Variants in TMEM132D observed in about 807,000 individuals in gnomAD.
The protein encoded by TMEM132D is transmembrane protein 132D, also known as mature OL transmembrane protein.
TMEM132D carries 21 observed loss-of-function variants against 62.3 expected under a neutral mutation model. The observed-to-expected ratio is 0.34, with a 90% CI of 0.24 to 0.49. TMEM132D has a LOEUF of 0.49. Ranked by LOEUF, TMEM132D falls within the 20% of genes least tolerant of loss-of-function variation. TMEM132D has a pLI of 0.99. For synonymous variants in TMEM132D, 621 were observed against 575.6 expected (o/e 1.08, Z -1.13); for missense variants, 1,346 against 1,402.8 (o/e 0.96, Z 0.65).
intron 3 of TMEM132D, among the ~76,000 whole-genome samples, chr12:129,421,850 C>T (rs1395866358): frequency 6.6e-6 from 1 of 152,058 alleles, no homozygotes; most frequent in Non-Finnish European, 1.5e-5. Flanking sequence ...GAAAATCTTT[C>T]CTCATCTCAA....
chr12:129,540,225 C>T (rs1484684827), intron 2 of TMEM132D, among the ~76,000 whole-genome samples: 2 of 152,116 alleles, frequency 1.3e-5, no homozygotes, highest in African/African-American at 4.8e-5. Context: ...GCCAGGCATT[C>T]CTACAGGTGC....
At chr12:129,424,380 T>C (rs973748199) in intron 3 of TMEM132D, among the ~76,000 whole-genome samples, 1 of 152,088 alleles carries the variant, frequency 6.6e-6, no homozygotes, top group Admixed American at 6.5e-5. Flanking sequence ...CTCCATGATT[T>C]TTGCTTAGGA....
chr12:129,768,366 TTC>T (rs1870623286), intron 1 of TMEM132D, among the ~76,000 whole-genome samples: 1 of 152,120 alleles, frequency 6.6e-6, no homozygotes, highest in Non-Finnish European at 1.5e-5. Flanking sequence ...TCATCACATG[TTC>T]TCTTTTCTTG....
intron 3 of TMEM132D, among the ~76,000 whole-genome samples, chr12:129,398,843 C>T (rs1430591909): frequency 8.9e-6 from 1 of 112,208 alleles, no homozygotes; most frequent in Admixed American, 8.9e-5. Context: ...TTCATCCATC[C>T]ATCCATCCAT....
intron 5 of TMEM132D, among the ~76,000 whole-genome samples, chr12:129,116,357 A>G (rs535725276): frequency 6.6e-5 from 10 of 152,352 alleles, no homozygotes; most frequent in African/African-American, 2.4e-4. Flanking sequence ...TTAGAGAGAA[A>G]GGCACATTAA....
At chr12:129,734,123 G>A (rs1002410911) in intron 1 of TMEM132D, among the ~76,000 whole-genome samples, 4 of 152,176 alleles carry the variant, frequency 2.6e-5, no homozygotes, top group African/African-American at 7.2e-5. Flanking sequence ...AGCAAGGGGA[G>A]AGCTGTACCC....
intron 1 of TMEM132D, among the ~76,000 whole-genome samples, chr12:129,710,284 T>TTTTATTTA (rs147677573): frequency 1.3e-4 from 20 of 151,728 alleles, no homozygotes; most frequent in African/African-American, 4.4e-4. Flanking sequence ...CATTATTAAT[T>TTTTATTTA]TTTATTTATT....
chr12:129,841,959 C>T (rs1226507245), intron 1 of TMEM132D, among the ~76,000 whole-genome samples: 1 of 146,204 alleles, frequency 6.8e-6, no homozygotes, highest in Non-Finnish European at 1.5e-5. Flanking sequence ...GAGACGGAGT[C>T]TCGGTCTGTC....
intron 4 of TMEM132D, among the ~76,000 whole-genome samples, chr12:129,271,952 T>C (rs1050632889): frequency 2.6e-5 from 4 of 151,836 alleles, no homozygotes; most frequent in Non-Finnish European, 4.4e-5. Flanking sequence ...GGTTAAACAG[T>C]ATTTCTGGTT....
At chr12:129,570,920 T>G (rs1877493845) in intron 2 of TMEM132D, among the ~76,000 whole-genome samples, 1 of 152,092 alleles carries the variant, frequency 6.6e-6, no homozygotes, top group African/African-American at 2.4e-5. Context: ...TCGTCTGCTG[T>G]GGCTGGGAGA....
intron 1 of TMEM132D, among the ~76,000 whole-genome samples, chr12:129,790,083 T>G (rs1315032401): frequency 6.6e-6 from 1 of 152,218 alleles, no homozygotes; most frequent in East Asian, 1.9e-4. Context: ...TCAGTCCCAC[T>G]GTGTTCCACC....
chr12:129,530,965 G>T lies in TMEM132D; in HGVS notation c.1115+94C>A. 3.0e-6 allele frequency: 4 copies of T among 1,330,008 alleles called. No individual in the cohort carries two copies. In the South Asian group the frequency reaches 6.0e-5, roughly 20 times the overall value. 82.4% of individuals were successfully genotyped at this position (1,330,008 alleles called of 1,614,324 possible). On this transcript the variant is annotated intron_variant, in intron 3 of 8. Transcript: ENST00000422113. ...CGACACACACCAAATGCAAACCACA[G>T]TGGAAATGGTTGTTAGCAATCTAGG...
chr12:129,879,107 T>C (rs1593196761), intron 1 of TMEM132D, among the ~76,000 whole-genome samples: 1 of 152,224 alleles, frequency 6.6e-6, no homozygotes, highest in African/African-American at 2.4e-5. Flanking sequence ...TCTATTTTCC[T>C]TGTTAGGCCC....
chr12:129,234,971 C>T (rs1789948626), intron 4 of TMEM132D, among the ~76,000 whole-genome samples: 1 of 151,202 alleles, frequency 6.6e-6, no homozygotes, highest in African/African-American at 2.5e-5. Flanking sequence ...TGTGCTTAAG[C>T]CATATTTGAG....
intron 5 of TMEM132D, among the ~76,000 whole-genome samples, chr12:129,185,773 G>GTCTGTCTGTCTATCTATCTA (rs796145548): frequency 6.9e-4 from 94 of 136,018 alleles, no homozygotes; most frequent in Middle Eastern, 3.6e-3. Context: ...CTGTCTGTCT[G>GTCTGTCTGTCTATCTATCTA]TCTATCTATC....
chr12:129,901,311 C>T (rs1015072672), intron 1 of TMEM132D, among the ~76,000 whole-genome samples: 4 of 152,160 alleles, frequency 2.6e-5, no homozygotes, highest in African/African-American at 7.2e-5. Flanking sequence ...AAAAGAATGG[C>T]CCTGTCCCTG....
intron 3 of TMEM132D, among the ~76,000 whole-genome samples, chr12:129,443,141 CTT>C (rs2135722245): frequency 6.6e-6 from 1 of 152,296 alleles, no homozygotes; most frequent in East Asian, 1.9e-4. Context: ...GCTCCTGCCT[CTT>C]TCCAATCCGG....
chr12:129,814,767 T>C (rs1181097911), intron 1 of TMEM132D, among the ~76,000 whole-genome samples: 3 of 152,138 alleles, frequency 2.0e-5, no homozygotes, highest in Non-Finnish European at 4.4e-5. Flanking sequence ...TGAGCTCCTT[T>C]TAGGTCCTCT....
chr12:129,274,220 C>T lies in TMEM132D; in HGVS notation c.1299+63414G>A, dbSNP rs116098844. On this transcript the variant is annotated intron_variant, in intron 4 of 8. Transcript: ENST00000422113. The stretch of plus-strand genomic sequence containing the variant: ...CTCCATCCAACAAGGGCAGTCTTTC[C>T]TCAAACCTGCCAGCTTTTCAGTGGA... 3.2e-3 allele frequency among the ~76,000 whole-genome samples: 481 copies of T among 152,040 alleles called. 17 individuals carry two copies. The highest frequency in any genetic ancestry group is 0.011 in the African/African-American group (445 of 41,288).
Sources: gnomAD v4.1 joint callset for allele counts (sites outside exome capture counted in the v4.1 genomes callset) on GRCh38, gnomAD v4.1.1 for gene constraint, MANE v1.5 for transcripts, NCBI Gene and HGNC (gene_info 2026-07-23, HGNC 2026-07-21) for gene names.